Variants in GABPB1 observed in about 807,000 individuals in gnomAD.
GABPB1 encodes the protein GA binding protein transcription factor subunit beta 1, also known as GA-binding protein subunit beta-1.
GABPB1 carries 15 observed loss-of-function variants against 45.9 expected under a neutral mutation model. The observed-to-expected ratio is 0.33, with a 90% CI of 0.22 to 0.50. The LOEUF is 0.50. GABPB1 is among the 20% of genes least tolerant of loss of function. The pLI is 0.98. For synonymous variants in GABPB1, 143 were observed against 154.4 expected, an observed-to-expected ratio of 0.93 and a Z score of 0.55; for missense variants, 252 against 457.5, an observed-to-expected ratio of 0.55 and a Z score of 4.10.
At chr15:50,306,250 T>C (rs1159510676) in intron 2 of GABPB1, among the ~76,000 whole-genome samples, 1 of 152,158 alleles carries the variant, frequency 6.6e-6, no homozygotes, top group Admixed American at 6.5e-5. Context: ...ATTACAAGCG[T>C]AAGCCACTGT....
chr15:50,315,099 T>C (rs559490974), intron 1 of GABPB1, among the ~76,000 whole-genome samples: 17 of 152,354 alleles, frequency 1.1e-4, no homozygotes, highest in Non-Finnish European at 2.5e-4. Flanking sequence ...ATGATTTTTT[T>C]GAAATTATGC....
intron 1 of GABPB1, chr15:50,346,310 G>A (rs1166002021): frequency 6.6e-6 from 1 of 151,958 alleles, no homozygotes; most frequent in Non-Finnish European, 1.5e-5. Flanking sequence ...AAGTAGGAGG[G>A]GCCTATTTGG....
At chr15:50,354,544 G>A (rs764573929) in intron 1 of GABPB1, 1 of 448,382 alleles carries the variant, frequency 2.2e-6, no homozygotes, top group Non-Finnish European at 4.5e-6. Flanking sequence ...GCCAGAGGCC[G>A]AGGCCCAGCC....
chr15:50,286,226 GATTTATTAGAA>G (rs1415946891), intron 7 of GABPB1, 43 bp from the exon 8 acceptor site: 1 of 1,311,064 alleles, frequency 7.6e-7, no homozygotes, highest in African/African-American at 1.5e-5. Flanking sequence ...TTTTCAGAGA[GATTTATTAGAA>G]ATAAAACTAG....
intron 1 of GABPB1, among the ~76,000 whole-genome samples, chr15:50,314,163 T>C (rs1335632494): frequency 6.6e-6 from 1 of 151,366 alleles, no homozygotes; most frequent in Non-Finnish European, 1.5e-5. Flanking sequence ...AATACAGCCA[T>C]ACGGTAGATT....
chr15:50,344,456 T>C (rs1490167755), intron 1 of GABPB1, among the ~76,000 whole-genome samples: 3 of 152,212 alleles, frequency 2.0e-5, no homozygotes, highest in African/African-American at 4.8e-5. Flanking sequence ...AAAATCATTC[T>C]GGCAGCCATA....
At chr15:50,316,086 T>C (rs1206687162) in intron 1 of GABPB1, among the ~76,000 whole-genome samples, 3 of 152,124 alleles carry the variant, frequency 2.0e-5, no homozygotes, top group Non-Finnish European at 4.4e-5. Flanking sequence ...TCCTCAGACA[T>C]AAAGTGCTAG....
At chr15:50,300,276 G>T (rs909934077) in intron 6 of GABPB1, among the ~76,000 whole-genome samples, 10 of 152,010 alleles carry the variant, frequency 6.6e-5, no homozygotes, top group African/African-American at 2.2e-4. Context: ...AACAGAATTT[G>T]GGAATACTGG....
intron 1 of GABPB1, among the ~76,000 whole-genome samples, chr15:50,336,459 C>T (rs1049924511): frequency 5.3e-5 from 8 of 151,760 alleles, no homozygotes; most frequent in Non-Finnish European, 1.0e-4. Context: ...TTCAGGAAGC[C>T]GAGGCAGGCG....
chr15:50,294,780 T>G (rs1185967408), intron 6 of GABPB1, among the ~76,000 whole-genome samples: 1 of 152,156 alleles, frequency 6.6e-6, no homozygotes, highest in Non-Finnish European at 1.5e-5. Context: ...ACTTTTTTAT[T>G]TTTATTGTTT....
At chr15:50,348,043 G>GGAAAAAAAAA (rs1555517540) in intron 1 of GABPB1, among the ~76,000 whole-genome samples, 2 of 113,722 alleles carry the variant, frequency 1.8e-5, no homozygotes, top group Admixed American at 9.4e-5. Flanking sequence ...ACTCCATCTG[G>GGAAAAAAAAA]AAAAAAAAAA....
chr15:50,292,058 G>T (rs1453171260), intron 6 of GABPB1, among the ~76,000 whole-genome samples: 3 of 151,812 alleles, frequency 2.0e-5, no homozygotes, highest in Non-Finnish European at 2.9e-5. Flanking sequence ...ATTGCGGCCG[G>T]GCGCGGTGGC....
At chr15:50,327,706 C>A (rs1340052388) in intron 1 of GABPB1, among the ~76,000 whole-genome samples, 2 of 152,014 alleles carry the variant, frequency 1.3e-5, no homozygotes, top group African/African-American at 2.4e-5. Context: ...TTGAGACTAG[C>A]CTGACCAACA....
rs776589242 is a variant in GABPB1, at chr15:50,286,173, T to C, written c.894A>G (p.Val298=). The C allele has an allele frequency of 2.1e-5, 32 of 1,536,452 alleles. No homozygotes were observed. Among genetic ancestry groups the C allele is most frequent in the Non-Finnish European group, 2.8e-5 (32 of 1,138,006 alleles). Residue 298 remains valine (V), a synonymous_variant, in exon 8 of 9, where the codon GTA becomes GTG. Coordinates refer to ENST00000380877, the MANE Select transcript of GABPB1 (RefSeq NM_016654.5). ...TMPDGQQVLT[V]PATDIAEETV... is the part of the protein sequence containing the mutation. ...TTTCTTCAGCAATGTCTGTTGCTGGTACTGTTAATACTAAAATGAAAAAAA... is the reference window on the plus strand; with the variant it reads ...TTTCTTCAGCAATGTCTGTTGCTGGCACTGTTAATACTAAAATGAAAAAAA...
At chr15:50,334,774 T>C (rs2048063881) in intron 1 of GABPB1, among the ~76,000 whole-genome samples, 1 of 152,206 alleles carries the variant, frequency 6.6e-6, no homozygotes, top group African/African-American at 2.4e-5. Flanking sequence ...ATTTGGTTTT[T>C]TCAAAACTAT....
intron 1 of GABPB1, among the ~76,000 whole-genome samples, chr15:50,311,919 G>A (rs769926927): frequency 6.6e-6 from 1 of 152,110 alleles, no homozygotes; most frequent in African/African-American, 2.4e-5. Context: ...GCACAGAAGA[G>A]GTAACCAGGG....
At chr15:50,345,665 C>T (rs2048541972) in intron 1 of GABPB1, among the ~76,000 whole-genome samples, 1 of 151,972 alleles carries the variant, frequency 6.6e-6, no homozygotes, top group Non-Finnish European at 1.5e-5. Context: ...AGCAGCAGTT[C>T]ATCAAAATTG....
intron 1 of GABPB1, among the ~76,000 whole-genome samples, chr15:50,344,696 G>C (rs927991275): frequency 2.0e-5 from 3 of 152,032 alleles, no homozygotes; most frequent in Admixed American, 6.6e-5. Flanking sequence ...AAATTAGCCA[G>C]GCATGGTGGT....
At chr15:50,309,882 T>TA in intron 1 of GABPB1, 84 bp from the exon 2 acceptor site, 1 of 809,154 alleles carries the variant, frequency 1.2e-6, no homozygotes, top group Non-Finnish European at 2.1e-6. Context: ...TCTTTATTAA[T>TA]AAGTCAGTTC....
Sources: gnomAD v4.1 joint callset for allele counts (sites outside exome capture counted in the v4.1 genomes callset) on GRCh38, gnomAD v4.1.1 for gene constraint, MANE v1.5 for transcripts, NCBI Gene and HGNC (gene_info 2026-07-23, HGNC 2026-07-21) for gene names.